Variants in CFAP99 observed in about 807,000 individuals in gnomAD.
CFAP99 encodes cilia and flagella associated protein 99, also known as cilia- and flagella-associated protein 99.
In CFAP99, 84 loss-of-function variants were observed where a neutral mutation model predicts 82.7. The ratio of observed to expected loss-of-function variants is 1.02; its 90% CI spans 0.85 to 1.22. The LOEUF is 1.22. CFAP99 is among the 50% of genes most tolerant of loss of function. The probability of loss-of-function intolerance (pLI) is 0.00; values close to 1 mark genes in which losing one functional copy is unlikely to be tolerated. For synonymous variants in CFAP99, 456 were observed against 429.5 expected (o/e 1.06, Z -0.76); for missense variants, 1,059 against 983.5 (o/e 1.08, Z -1.03).
In CFAP99 at chr4:2,437,001, A is replaced by G. The variant is rs1733929769; in HGVS notation, c.239A>G (p.Asp80Gly). The G allele has an allele frequency of 6.5e-7, 1 of 1,535,890 alleles. No individual in the cohort carries two copies. The highest frequency in any genetic ancestry group is 2.0e-5 in the Admixed American group (1 of 50,976). The change falls in exon 3 of 15, where the codon GAC becomes GGC. Residue 80 changes from aspartate (D) to glycine (G), a missense_variant. Physicochemically the swap from Asp to Gly is moderately conservative, Grantham distance 94. Transcript: ENST00000635017. Reference sequence around the variant, plus strand: ...GATGGCCGACTCTGCCTGCGGGTTGACCACAGCCGCTTCGAGGGTAGGTGC... The same window carrying G: ...GATGGCCGACTCTGCCTGCGGGTTGGCCACAGCCGCTTCGAGGGTAGGTGC...
chr4:2,462,710 G>A lies in CFAP99; in HGVS notation c.1929G>A (p.Arg643=), dbSNP rs1734655533. 9.6e-6 allele frequency: 12 copies of A among 1,249,888 alleles called. No homozygotes were observed. Among genetic ancestry groups the A allele is most frequent in the Non-Finnish European group, 1.2e-5 (12 of 995,054 alleles). 77.4% of individuals were successfully genotyped at this position (1,249,888 alleles called of 1,614,324 possible). A position where few individuals can be genotyped will look rare whatever the true frequency, so the allele number is the denominator to read the frequency against. Reference sequence around the variant, plus strand: ...CCGGCGTCCCGGGGCGGGGATGGCGGGGAGATCGGGTCCGGTCCGCGGCCG... The same window carrying A: ...CCGGCGTCCCGGGGCGGGGATGGCGAGGAGATCGGGTCCGGTCCGCGGCCG... The change falls in exon 15 of 15, where the codon CGG becomes CGA. Residue 643 remains arginine (R), a synonymous_variant. Transcript: ENST00000635017. This position sits in a 1 kb window ranked among gnomAD's most constrained non-coding sequence, Gnocchi z 4.1.
intron 2 of CFAP99, chr4:2,426,827 A>G (rs1733695076): frequency 1.8e-5 from 9 of 508,914 alleles, no homozygotes; most frequent in South Asian, 1.0e-4. Flanking sequence ...TGACATCCAC[A>G]CTGCGGTTCC....
chr4:2,458,582 C>A, intron 11 of CFAP99, 141 bp from the exon 12 acceptor site: 1 of 1,097,354 alleles, frequency 9.1e-7, no homozygotes. Context: ...AGTGAATGGG[C>A]TTAGACCTGG....
chr4:2,461,023 C>G (rs1734609625), intron 14 of CFAP99, among the ~76,000 whole-genome samples: 1 of 152,194 alleles, frequency 6.6e-6, no homozygotes, highest in African/African-American at 2.4e-5. Context: ...AGGTGTGAGC[C>G]CAGCCTGGCT....
intron 11 of CFAP99, among the ~76,000 whole-genome samples, chr4:2,453,573 C>T (rs1373924575): frequency 6.6e-6 from 1 of 152,146 alleles, no homozygotes; most frequent in African/African-American, 2.4e-5. Context: ...TTTCATGGGT[C>T]AGAAATAGTA....
At chr4:2,449,439 G>A (rs1326177546) in intron 6 of CFAP99, among the ~76,000 whole-genome samples, 1 of 124,958 alleles carries the variant, frequency 8.0e-6, no homozygotes, top group African/African-American at 3.0e-5. Flanking sequence ...CCCCATCCCA[G>A]GCCAAGCTCC....
At chr4:2,456,579 G>C (rs1020291560) in intron 11 of CFAP99, among the ~76,000 whole-genome samples, 13 of 152,162 alleles carry the variant, frequency 8.5e-5, no homozygotes, top group African/African-American at 2.4e-4. Flanking sequence ...GAGTGCAATG[G>C]TGCGATCTCG....
chr4:2,429,039 A>G (rs1269160446), intron 2 of CFAP99: 4 of 152,340 alleles, frequency 2.6e-5, no homozygotes, highest in Admixed American at 2.0e-4. Context: ...TCTAGACCAC[A>G]TCTGTTCATC....
Position 2,446,069 on chromosome 4 carries a change from A to G in CFAP99, c.642+761A>G, listed in dbSNP as rs921275671. On this transcript the variant is annotated intron_variant, in intron 6 of 14. Coordinates refer to ENST00000635017, the Ensembl canonical transcript of CFAP99. This position sits in a 1 kb window ranked among gnomAD's most constrained non-coding sequence, Gnocchi z 5.0. ...ACCAACGTGGTTCTGCAACAGGACTAAGGGCTATATGGGAGGGGAAGGGGA... is the reference window on the plus strand; with the variant it reads ...ACCAACGTGGTTCTGCAACAGGACTGAGGGCTATATGGGAGGGGAAGGGGA... Among the ~76,000 whole-genome samples, 1 of 152,210 alleles carries G rather than the reference A, an allele frequency of 6.6e-6. No individual in the cohort carries two copies. The highest frequency in any genetic ancestry group is 6.5e-5 in the Admixed American group (1 of 15,286).
In CFAP99 at chr4:2,461,054, G is replaced by A. The variant is rs142842605; in HGVS notation, c.1661+812G>A. On this transcript the variant is annotated intron_variant, in intron 14 of 14. Coordinates refer to ENST00000635017, the Ensembl canonical transcript of CFAP99. ...TGGCTAACATTTTTAAAAGACTGTT[G>A]CTGTAACTTTTTTTTTCTTTTTAAA... 9.6e-3 allele frequency among the ~76,000 whole-genome samples: 1,461 copies of A among 152,316 alleles called. 41 individuals carry two copies. The highest frequency in any genetic ancestry group is 0.033 in the African/African-American group (1,357 of 41,560).
chr4:2,439,177 A>G (rs1041051269), intron 4 of CFAP99, among the ~76,000 whole-genome samples: 4 of 152,238 alleles, frequency 2.6e-5, no homozygotes, highest in Admixed American at 2.6e-4. Context: ...ACAACGACCC[A>G]GTGAGGTTGC....
intron 2 of CFAP99, among the ~76,000 whole-genome samples, chr4:2,432,704 T>C (rs2108715462): frequency 6.6e-6 from 1 of 152,302 alleles, no homozygotes; most frequent in Admixed American, 6.5e-5. Context: ...CTGGACCCTT[T>C]GCTATTGAGT....
chr4:2,460,786 T>C (rs1258961292), intron 14 of CFAP99, among the ~76,000 whole-genome samples: 2 of 152,200 alleles, frequency 1.3e-5, no homozygotes, highest in Non-Finnish European at 2.9e-5. Context: ...AGTCTTGCTC[T>C]GTCACCAGGC....
intron 1 of CFAP99, among the ~76,000 whole-genome samples, chr4:2,420,821 CCACATTCCTGCCATCA>C (rs1733569616): frequency 6.6e-6 from 1 of 152,122 alleles, no homozygotes; most frequent in African/African-American, 2.4e-5. Flanking sequence ...GGATGGCTGC[CCACATTCCTGCCATCA>C]CCTCCTCGGC....
At chr4:2,443,096 G>C (rs775646560) in intron 4 of CFAP99, 34 bp from the exon 5 acceptor site, 5 of 1,245,110 alleles carry the variant, frequency 4.0e-6, no homozygotes, top group African/African-American at 1.5e-5. Flanking sequence ...TGGGCCCAGG[G>C]CTCCGGCCCC....
rs954442950 is a variant in CFAP99, at chr4:2,462,694, C to T, written c.1913C>T (p.Pro638Leu). Residue 638 changes from proline (P) to leucine (L), a missense_variant, in exon 15 of 15, where the codon CCG becomes CTG. Coordinates refer to ENST00000635017, the Ensembl canonical transcript of CFAP99. This position sits in a 1 kb window ranked among gnomAD's most constrained non-coding sequence, Gnocchi z 4.1. ...GCGCGGCGCGCAGGGACCGGCGTCC[C>T]GGGGCGGGGATGGCGGGGAGATCGG... 3.3e-5 allele frequency: 42 copies of T among 1,254,614 alleles called. No individual in the cohort carries two copies. Among genetic ancestry groups the T allele is most frequent in the Non-Finnish European group, 4.1e-5 (41 of 999,578 alleles). 77.7% of individuals were successfully genotyped at this position (1,254,614 alleles called of 1,614,324 possible).
chr4:2,424,806 C>G (rs77913099), intron 1 of CFAP99, among the ~76,000 whole-genome samples: 10 of 152,358 alleles, frequency 6.6e-5, no homozygotes, highest in South Asian at 4.1e-4. Context: ...TCTTCCTGCA[C>G]TGAACGTGTT....
intron 12 of CFAP99, 90 bp downstream of exon 12, chr4:2,458,954 C>G (rs1029234639): frequency 1.5e-5 from 22 of 1,471,304 alleles, no homozygotes; most frequent in Non-Finnish European, 1.9e-5. Flanking sequence ...GCCACTATGG[C>G]TGTCCAGGGT....
At chr4:2,442,287 C>T (rs1734059956) in intron 4 of CFAP99, among the ~76,000 whole-genome samples, 1 of 151,700 alleles carries the variant, frequency 6.6e-6, no homozygotes, top group Admixed American at 6.6e-5. Flanking sequence ...AGCCTCGGGG[C>T]AGGGAAAATG....
Sources: gnomAD v4.1 joint callset for allele counts (sites outside exome capture counted in the v4.1 genomes callset) on GRCh38, gnomAD v4.1.1 for gene constraint, Gnocchi (gnomAD v3.1) non-coding constraint, MANE v1.5 for transcripts, NCBI Gene and HGNC (gene_info 2026-07-23, HGNC 2026-07-21) for gene names.